XIRP2: variants seen among roughly 807,000 people sequenced by gnomAD.
The protein encoded by XIRP2 is xin actin-binding repeat-containing protein 2.
In XIRP2, 236 loss-of-function variants were observed where a neutral mutation model predicts 277.0. The observed-to-expected ratio is 0.85, with a 90% CI of 0.77 to 0.95. XIRP2 has a LOEUF of 0.95. Ranked by LOEUF, XIRP2 falls within the 40% of genes least tolerant of loss-of-function variation. The probability of loss-of-function intolerance (pLI) is 0.00; values close to 1 mark genes in which losing one functional copy is unlikely to be tolerated. For missense variants in XIRP2, 4,640 were observed against 4,157.5 expected, an observed-to-expected ratio of 1.12 and a Z score of -3.19; for synonymous variants, 1,490 against 1,416.5, an observed-to-expected ratio of 1.05 and a Z score of -1.17.
chr2:167,124,405 T>G (rs536313536), intron 2 of XIRP2: 1 of 152,316 alleles, frequency 6.6e-6, no homozygotes, highest in South Asian at 2.1e-4. Flanking sequence ...TGTCTTTCAC[T>G]CTAGAAGAAG....
At position 167,126,627 on chromosome 2, in the gene XIRP2, C is replaced by T. The variant is rs565173383; in HGVS notation, c.409-9282C>T. Among the ~76,000 whole-genome samples, 21 of 152,262 alleles carry T rather than the reference C, an allele frequency of 1.4e-4. 1 individual carries two copies. The South Asian group carries it at 4.4e-3, about 32-fold the overall frequency. ...GGAAGAGCTCCACATTAAACTCTGG[C>T]TCCAAATTAGATCTTCTGGGAAAAC... On this transcript the variant is annotated intron_variant, in intron 2 of 10. Transcript: ENST00000409195.
intron 2 of XIRP2, among the ~76,000 whole-genome samples, chr2:167,043,537 A>G (rs1315433265): frequency 6.6e-6 from 1 of 152,068 alleles, no homozygotes; most frequent in Non-Finnish European, 1.5e-5. Flanking sequence ...CAGAACTACA[A>G]AAAACCCTCA....
intron 2 of XIRP2, among the ~76,000 whole-genome samples, chr2:166,947,365 G>A (rs1321063334): frequency 6.6e-6 from 1 of 152,076 alleles, no homozygotes; most frequent in Non-Finnish European, 1.5e-5. Context: ...ATTCTTTAGG[G>A]AGCACTTTGG....
chr2:167,059,623 TC>T (rs1240761682), intron 2 of XIRP2, among the ~76,000 whole-genome samples: 1 of 152,080 alleles, frequency 6.6e-6, no homozygotes. Context: ...AGAATGTCTT[TC>T]CTCCCACCTC....
At chr2:167,049,520 AC>A (rs201035250) in intron 2 of XIRP2, among the ~76,000 whole-genome samples, 3,059 of 151,834 alleles carry the variant, frequency 0.02, 43 homozygotes, top group Non-Finnish European at 0.033. Flanking sequence ...AAAAAAAAAA[AC>A]ATAATTAAGA....
At chr2:167,117,908 G>A (rs890011052) in intron 2 of XIRP2, among the ~76,000 whole-genome samples, 12 of 151,964 alleles carry the variant, frequency 7.9e-5, no homozygotes, top group Non-Finnish European at 8.8e-5. Flanking sequence ...TTTACTTTCC[G>A]GTAAGTTGTC....
intron 5 of XIRP2, among the ~76,000 whole-genome samples, chr2:167,230,354 G>A (rs1041729614): frequency 6.6e-6 from 1 of 151,924 alleles, no homozygotes; most frequent in African/African-American, 2.4e-5. Context: ...AACCCCCACC[G>A]TCATAGTTTC....
chr2:166,998,037 A>T (rs1486220977), intron 2 of XIRP2, among the ~76,000 whole-genome samples: 2 of 152,202 alleles, frequency 1.3e-5, no homozygotes, highest in African/African-American at 2.4e-5. Flanking sequence ...GAAATTTCTA[A>T]GTAAATTTAC....
chr2:167,220,808 T>C (rs1694402832), intron 5 of XIRP2, among the ~76,000 whole-genome samples: 1 of 152,164 alleles, frequency 6.6e-6, no homozygotes. Context: ...CAATGAAGAA[T>C]ATATGCTGGG....
In XIRP2 at chr2:167,028,921, A is replaced by G. The variant is rs138945808; in HGVS notation, c.409-106988A>G. On this transcript the variant is annotated intron_variant, in intron 2 of 10. Transcript: ENST00000409195. ...TCTGAAGCTGAAAAATTTAATTGAC[A>G]TACTGAAAAATACCTCAGAGTCTCT... 3.2e-3 allele frequency among the ~76,000 whole-genome samples: 488 copies of G among 151,892 alleles called. 4 individuals carry two copies. Among genetic ancestry groups the G allele is most frequent in the African/African-American group, 0.011 (461 of 41,470 alleles).
intron 2 of XIRP2, among the ~76,000 whole-genome samples, chr2:167,031,357 C>T (rs1472405788): frequency 6.6e-6 from 1 of 152,004 alleles, no homozygotes; most frequent in Non-Finnish European, 1.5e-5. Context: ...ATATTTAGTG[C>T]TTCCTTCAGG....
intron 2 of XIRP2, among the ~76,000 whole-genome samples, chr2:167,068,547 C>G (rs1302754724): frequency 6.6e-6 from 1 of 151,828 alleles, no homozygotes; most frequent in Non-Finnish European, 1.5e-5. Context: ...GTGAATTCAC[C>G]AGATAGTAAA....
At chr2:167,041,574 C>G (rs1408114602) in intron 2 of XIRP2, among the ~76,000 whole-genome samples, 1 of 152,090 alleles carries the variant, frequency 6.6e-6, no homozygotes, top group Non-Finnish European at 1.5e-5. Context: ...AAGAAAGAAC[C>G]TCAGAGCTTA....
chr2:166,921,319 A>C (rs1685032570), intron 2 of XIRP2, among the ~76,000 whole-genome samples: 1 of 152,044 alleles, frequency 6.6e-6, no homozygotes, highest in South Asian at 2.1e-4. Flanking sequence ...ACTCTTTTTC[A>C]TTCCCCCCAG....
intron 2 of XIRP2, among the ~76,000 whole-genome samples, chr2:167,126,717 G>A (rs1211120869): frequency 1.3e-5 from 2 of 151,986 alleles, no homozygotes; most frequent in Non-Finnish European, 2.9e-5. Context: ...AAACCATGGG[G>A]GCTGACAGCA....
At chr2:166,943,964 AT>A (rs1353349482) in intron 2 of XIRP2, among the ~76,000 whole-genome samples, 1 of 152,208 alleles carries the variant, frequency 6.6e-6, no homozygotes, top group East Asian at 1.9e-4. Flanking sequence ...ACACATAAAT[AT>A]CTTGATGTGT....
chr2:167,009,286 TC>T (rs1425818359), intron 2 of XIRP2, among the ~76,000 whole-genome samples: 3 of 146,630 alleles, frequency 2.0e-5, no homozygotes, highest in African/African-American at 7.5e-5. Context: ...ATTGTTCAAT[TC>T]CCACCTATGA....
chr2:167,124,449 G>A (rs1055209373), intron 2 of XIRP2: 3 of 152,014 alleles, frequency 2.0e-5, no homozygotes, highest in East Asian at 1.9e-4. Flanking sequence ...TCTCAGTTGC[G>A]CTTTCTTCTG....
At chr2:166,998,434 G>A (rs1462352587) in intron 2 of XIRP2, among the ~76,000 whole-genome samples, 14 of 151,972 alleles carry the variant, frequency 9.2e-5, no homozygotes, top group Non-Finnish European at 2.1e-4. Flanking sequence ...TCAGGAGATC[G>A]AGACCATCCT....
Sources: allele counts gnomAD v4.1 joint callset (sites outside exome capture counted in the v4.1 genomes callset), GRCh38; gene constraint gnomAD v4.1.1; transcripts MANE v1.5; gene names NCBI Gene and HGNC (gene_info 2026-07-23, HGNC 2026-07-21).